The following SGCZ variants were observed in gnomAD, a reference collection of about 807,000 sequenced individuals.
SGCZ encodes the protein sarcoglycan zeta.
In SGCZ, 40 loss-of-function variants were observed where a neutral mutation model predicts 41.3. That is an observed-to-expected ratio of 0.97 (90% CI 0.75 to 1.26). The LOEUF is 1.26. Ranked by LOEUF, SGCZ falls within the 50% of genes most tolerant of loss-of-function variation. SGCZ has a pLI of 0.00. For missense variants in SGCZ, 552 were observed against 369.8 expected (o/e 1.49, Z -4.04); for synonymous variants, 206 against 137.5 (o/e 1.50, Z -3.49).
chr8:14,795,166 A>G (rs2130481926), intron 1 of SGCZ, among the ~76,000 whole-genome samples: 1 of 152,326 alleles, frequency 6.6e-6, no homozygotes, highest in East Asian at 1.9e-4. Flanking sequence ...GTTAATTAAA[A>G]TATTGTTTAA....
chr8:14,243,079 A>C (rs1224001651), intron 3 of SGCZ, among the ~76,000 whole-genome samples: 6 of 152,144 alleles, frequency 3.9e-5, no homozygotes, highest in Non-Finnish European at 7.4e-5. Context: ...ATTCCAAATG[A>C]GGAGGGTATG....
chr8:14,261,220 C>G (rs908665959), intron 3 of SGCZ, among the ~76,000 whole-genome samples: 1 of 152,160 alleles, frequency 6.6e-6, no homozygotes, highest in African/African-American at 2.4e-5. Flanking sequence ...TTTGCTAATA[C>G]AGAGACATCT....
chr8:14,196,134 G>T (rs1168381687), intron 4 of SGCZ, among the ~76,000 whole-genome samples: 3 of 151,946 alleles, frequency 2.0e-5, no homozygotes, highest in Non-Finnish European at 4.4e-5. Context: ...TATTGAAATG[G>T]TATAATATCA....
chr8:15,212,781 C>T (rs1801275821), intron 1 of SGCZ, among the ~76,000 whole-genome samples: 1 of 151,974 alleles, frequency 6.6e-6, no homozygotes, highest in Non-Finnish European at 1.5e-5. Context: ...CATATTTTCT[C>T]AAAGTACTAA....
intron 1 of SGCZ, among the ~76,000 whole-genome samples, chr8:15,140,000 G>A (rs926065444): frequency 5.3e-5 from 8 of 151,868 alleles, no homozygotes; most frequent in Admixed American, 3.3e-4. Flanking sequence ...GGGGGTTGGG[G>A]GGACGGACAC....
chr8:14,714,983 A>C (rs1809641451), intron 1 of SGCZ, among the ~76,000 whole-genome samples: 1 of 152,168 alleles, frequency 6.6e-6, no homozygotes, highest in Admixed American at 6.5e-5. Flanking sequence ...TTTCAAATGC[A>C]GTGGTTTAGC....
At chr8:14,319,806 A>G (rs977495880) in intron 3 of SGCZ, among the ~76,000 whole-genome samples, 1 of 152,026 alleles carries the variant, frequency 6.6e-6, no homozygotes, top group Admixed American at 6.6e-5. Flanking sequence ...GAGAGCAGCT[A>G]ATCATCTCCA....
chr8:14,295,513 A>C (rs1800977556), intron 3 of SGCZ, among the ~76,000 whole-genome samples: 1 of 152,172 alleles, frequency 6.6e-6, no homozygotes, highest in Admixed American at 6.5e-5. Context: ...ATAGTAAGAA[A>C]TTTTAAAATA....
rs573271308 is a variant in SGCZ at position 14,739,615 on chromosome 8, C to G, written c.40-184689G>C. On this transcript the variant is annotated intron_variant, in intron 1 of 7. Transcript: ENST00000382080. ...TTACTCAATTTTAATGTAAATTCTT[C>G]TTTGTTTTGTATTAGTCTTCCTTTT... Among the ~76,000 whole-genome samples the G allele has an allele frequency of 1.3e-4, 20 of 152,084 alleles. 1 individual carries two copies. In the South Asian group the frequency reaches 1.9e-3, roughly 14 times the overall value.
intron 1 of SGCZ, among the ~76,000 whole-genome samples, chr8:15,211,505 T>A (rs1333020127): frequency 6.6e-6 from 1 of 152,134 alleles, no homozygotes; most frequent in African/African-American, 2.4e-5. Flanking sequence ...GCTAAAGACC[T>A]GCCTCCAATG....
rs542969604 is a variant in SGCZ at position 14,298,755 on chromosome 8, T to C, written c.336+25348A>G. 1.9e-4 allele frequency among the ~76,000 whole-genome samples: 29 copies of C among 152,182 alleles called. 1 individual carries two copies. The highest frequency in any genetic ancestry group is 3.4e-3 in the Middle Eastern group (1 of 294). Reference sequence around the variant, plus strand: ...GACAAAATATCATTACAAATGTTAATGTTCCCACAAATTGACCAATGGAGT... The same window carrying C: ...GACAAAATATCATTACAAATGTTAACGTTCCCACAAATTGACCAATGGAGT... On this transcript the variant is annotated intron_variant, in intron 3 of 7. Coordinates refer to ENST00000382080, the MANE Select transcript of SGCZ (RefSeq NM_139167.4).
intron 2 of SGCZ, among the ~76,000 whole-genome samples, chr8:14,354,624 G>A (rs1803227830): frequency 6.6e-6 from 1 of 151,564 alleles, no homozygotes; most frequent in South Asian, 2.1e-4. Flanking sequence ...AAACCATCGT[G>A]TCTACATAAT....
In SGCZ at chr8:14,971,396, T is replaced by C. The variant is rs540566111; in HGVS notation, c.39+266189A>G. Among the ~76,000 whole-genome samples the C allele has an allele frequency of 5.3e-5, 8 of 152,266 alleles. No homozygotes were observed. In the East Asian group the frequency reaches 1.5e-3, roughly 29 times the overall value. On this transcript the variant is annotated intron_variant, in intron 1 of 7. Transcript: ENST00000382080. ...CGTCTTTCATCTTTAAGTATGATGC[T>C]AGCTGAAGTTATCTCACAGCTGTTC...
intron 5 of SGCZ, among the ~76,000 whole-genome samples, chr8:14,146,384 A>C (rs1803521057): frequency 6.6e-6 from 1 of 152,192 alleles, no homozygotes; most frequent in Admixed American, 6.5e-5. Context: ...TTCCCCAGAC[A>C]AACTAAAGCC....
intron 1 of SGCZ, among the ~76,000 whole-genome samples, chr8:14,843,562 C>G (rs1290562105): frequency 5.9e-5 from 9 of 151,912 alleles, no homozygotes; most frequent in Admixed American, 5.9e-4. Context: ...AGAATAAAAT[C>G]AATTATTTTA....
chr8:14,511,266 T>A (rs1482645932), intron 2 of SGCZ, among the ~76,000 whole-genome samples: 1 of 151,974 alleles, frequency 6.6e-6, no homozygotes, highest in Admixed American at 6.6e-5. Flanking sequence ...TCTAATGCAA[T>A]GATTATTTAA....
At position 14,327,931 on chromosome 8, in the gene SGCZ, C is replaced by A. The variant is rs140445966; in HGVS notation, c.235-3727G>T. Among the ~76,000 whole-genome samples the A allele has an allele frequency of 2.4e-4, 37 of 152,274 alleles. No homozygotes were observed. In the East Asian group the frequency reaches 5.8e-3, roughly 24 times the overall value. On this transcript the variant is annotated intron_variant, in intron 2 of 7. Coordinates refer to ENST00000382080, the MANE Select transcript of SGCZ (RefSeq NM_139167.4). ...GAGTAGCAGGGACTACAGGTGTGCA[C>A]TGCCACGCCCAGATAACTTTTGTAC...
intron 1 of SGCZ, among the ~76,000 whole-genome samples, chr8:14,774,846 T>A (rs1391188235): frequency 6.6e-6 from 1 of 152,174 alleles, no homozygotes; most frequent in African/African-American, 2.4e-5. Context: ...TCCTAATTAC[T>A]TCGTTAACTA....
At chr8:14,695,402 A>G (rs28461819) in intron 1 of SGCZ, among the ~76,000 whole-genome samples, 3,833 of 152,242 alleles carry the variant, frequency 0.025, 181 homozygotes, top group African/African-American at 0.088. Flanking sequence ...AATAAGTATC[A>G]TTAGCAATAT....
Sources: gnomAD v4.1 joint callset for allele counts (sites outside exome capture counted in the v4.1 genomes callset) on GRCh38, gnomAD v4.1.1 for gene constraint, MANE v1.5 for transcripts, NCBI Gene and HGNC (gene_info 2026-07-23, HGNC 2026-07-21) for gene names.